The following ARL15 variants were observed in gnomAD, a reference collection of about 807,000 sequenced individuals.
The protein encoded by ARL15 is ADP-ribosylation factor-like protein 15.
ARL15 carries 19 observed loss-of-function variants against 25.2 expected under a neutral mutation model. The ratio of observed to expected loss-of-function variants is 0.75; its 90% CI spans 0.53 to 1.10. The LOEUF (loss-of-function observed/expected upper bound fraction) is 1.10, where lower values mean the gene tolerates loss of function less well. Among genes scored for constraint, ARL15 ranks in the 50% least tolerant of loss-of-function variants. The pLI, the probability that ARL15 is intolerant of heterozygous loss-of-function variation, is 0.00. For missense variants in ARL15, 220 were observed against 246.0 expected (o/e 0.89, Z 0.71); for synonymous variants, 94 against 86.8 (o/e 1.08, Z -0.46).
chr5:54,006,949 G>A (rs987029622), intron 4 of ARL15, among the ~76,000 whole-genome samples: 14 of 152,088 alleles, frequency 9.2e-5, no homozygotes, highest in Admixed American at 3.9e-4. Context: ...AAAATTAGCC[G>A]GGGTGGTGGT....
At chr5:54,200,164 G>C in intron 1 of ARL15, among the ~76,000 whole-genome samples, 1 of 136,670 alleles carries the variant, frequency 7.3e-6, no homozygotes, top group Non-Finnish European at 1.6e-5. Flanking sequence ...GGAGGGGGCA[G>C]GGATAGCACC....
chr5:54,070,092 T>C (rs1751372410), intron 4 of ARL15, among the ~76,000 whole-genome samples: 1 of 151,466 alleles, frequency 6.6e-6, no homozygotes, highest in African/African-American at 2.4e-5. Context: ...AAGGGGTCTG[T>C]TATAAAAGTT....
At chr5:53,945,810 C>G (rs1646614754) in intron 4 of ARL15, among the ~76,000 whole-genome samples, 1 of 152,158 alleles carries the variant, frequency 6.6e-6, no homozygotes, top group South Asian at 2.1e-4. Flanking sequence ...TCTCATTCCA[C>G]TAACCATAAA....
chr5:54,295,215 G>A (rs916982436), intron 1 of ARL15, among the ~76,000 whole-genome samples: 1 of 152,118 alleles, frequency 6.6e-6, no homozygotes, highest in Non-Finnish European at 1.5e-5. Context: ...ACTATTTCAC[G>A]TGAATATTAA....
At chr5:54,063,759 G>A (rs1016968863) in intron 4 of ARL15, among the ~76,000 whole-genome samples, 1 of 152,004 alleles carries the variant, frequency 6.6e-6, no homozygotes, top group African/African-American at 2.4e-5. Flanking sequence ...GTGTCTGCTG[G>A]ACTAACACAA....
At chr5:53,940,206 C>G (rs187997773) in intron 4 of ARL15, among the ~76,000 whole-genome samples, 1,773 of 152,118 alleles carry the variant, frequency 0.012, 39 homozygotes, top group African/African-American at 0.04. Flanking sequence ...ATCTCCTGAC[C>G]CCGTCATCCG....
chr5:54,123,329 T>A lies in ARL15; in HGVS notation c.254-9919A>T, dbSNP rs139407901. Among the ~76,000 whole-genome samples the A allele has an allele frequency of 4.1e-3, 628 of 152,274 alleles. 4 individuals carry two copies. The highest frequency in any genetic ancestry group is 0.014 in the African/African-American group (586 of 41,552). ...TTTCACCATGTTGGCCAGGATGGTT[T>A]CGATCTCCTGACCTCGTGATCTGCC... is the stretch of plus-strand genomic sequence containing the variant. On this transcript the variant is annotated intron_variant, in intron 3 of 4. Transcript: ENST00000504924.
chr5:53,927,698 T>C (rs1746073969), intron 4 of ARL15, among the ~76,000 whole-genome samples: 2 of 152,110 alleles, frequency 1.3e-5, no homozygotes, highest in South Asian at 2.1e-4. Flanking sequence ...GTAGCTGTGT[T>C]TGGGACATCA....
intron 4 of ARL15, among the ~76,000 whole-genome samples, chr5:53,950,497 CA>C (rs899831853): frequency 3.9e-5 from 6 of 152,158 alleles, no homozygotes; most frequent in Non-Finnish European, 5.9e-5. Context: ...AATCTACTCA[CA>C]GCTTTTTTTC....
chr5:54,219,691 G>T (rs1039978190), intron 1 of ARL15, among the ~76,000 whole-genome samples: 2 of 152,062 alleles, frequency 1.3e-5, no homozygotes, highest in Admixed American at 1.3e-4. Flanking sequence ...AGAAAGAAAG[G>T]GGGAAAAAGA....
chr5:54,200,442 AC>A (rs1399337052), intron 1 of ARL15, among the ~76,000 whole-genome samples: 4 of 152,110 alleles, frequency 2.6e-5, no homozygotes, highest in Non-Finnish European at 4.4e-5. Flanking sequence ...CTTACCTCAA[AC>A]TTTGAGAAGC....
chr5:53,943,564 C>A (rs1245315503), intron 4 of ARL15, among the ~76,000 whole-genome samples: 3 of 152,052 alleles, frequency 2.0e-5, no homozygotes, highest in African/African-American at 7.2e-5. Context: ...TTTTCTGATG[C>A]AGGTATGGAG....
intron 1 of ARL15, among the ~76,000 whole-genome samples, chr5:54,213,303 T>C (rs138316038): frequency 2.0e-5 from 3 of 152,312 alleles, no homozygotes; most frequent in Non-Finnish European, 2.9e-5. Flanking sequence ...AAACTTAAAA[T>C]AGTTCTCAAG....
chr5:53,887,571 CA>C (rs2111881490), intron 4 of ARL15, among the ~76,000 whole-genome samples: 2 of 152,254 alleles, frequency 1.3e-5, no homozygotes, highest in African/African-American at 4.8e-5. Context: ...GATCTTCTCT[CA>C]AAAGGTATCA....
chr5:53,886,643 T>A lies in ARL15; in HGVS notation c.533A>T (p.Asp178Val). The part of the protein sequence containing the change: ...KRWILQPCSL[D>V]DMDALKDSFS... ...GCTGTCTTTCAGTGCATCCATGTCA[T>A]CCAGTGAGCAGGGCTGTAGAATCCA... Residue 178 changes from aspartate to valine, a missense_variant, in exon 5 of 5, where the codon GAT (aspartate) becomes GTT (valine). Physicochemically the swap from Asp to Val is radical, Grantham distance 152 (BLOSUM62 -3). Transcript: ENST00000504924. 6.4e-7 allele frequency: 1 copy of A among 1,574,654 alleles called. No individual in the cohort carries two copies. The highest frequency in any genetic ancestry group is 8.6e-7 in the Non-Finnish European group (1 of 1,158,398).
intron 1 of ARL15, among the ~76,000 whole-genome samples, chr5:54,209,912 T>C (rs1283502184): frequency 6.6e-6 from 1 of 152,140 alleles, no homozygotes; most frequent in Non-Finnish European, 1.5e-5. Flanking sequence ...ATGGCAACTT[T>C]CTCTTCAAAA....
intron 4 of ARL15, among the ~76,000 whole-genome samples, chr5:53,887,180 A>T (rs984336398): frequency 6.6e-6 from 1 of 152,204 alleles, no homozygotes; most frequent in Non-Finnish European, 1.5e-5. Flanking sequence ...AGCACATAAC[A>T]CAACAAAAAT....
At chr5:54,187,438 A>G (rs1158441880) in intron 1 of ARL15, among the ~76,000 whole-genome samples, 3 of 152,236 alleles carry the variant, frequency 2.0e-5, no homozygotes, top group East Asian at 3.9e-4. Flanking sequence ...AACAGACAGC[A>G]GAACTTATCT....
chr5:54,133,038 T>C (rs1029265976), intron 3 of ARL15, among the ~76,000 whole-genome samples: 1 of 152,246 alleles, frequency 6.6e-6, no homozygotes, highest in Non-Finnish European at 1.5e-5. Context: ...GTAAATTTTC[T>C]AATAAGCGGT....
Sources: gnomAD v4.1 joint callset for allele counts (sites outside exome capture counted in the v4.1 genomes callset) on GRCh38, gnomAD v4.1.1 for gene constraint, MANE v1.5 for transcripts, NCBI Gene and HGNC (gene_info 2026-07-23, HGNC 2026-07-21) for gene names.